Variants in FHOD1 observed in about 807,000 individuals in gnomAD.
The protein encoded by FHOD1 is formin homology 2 domain containing 1, also known as FH1/FH2 domain-containing protein 1.
A neutral mutation model predicts 111.6 loss-of-function variants in FHOD1; 89 were observed. That is an observed-to-expected ratio of 0.80 (90% CI 0.67 to 0.95). The LOEUF (loss-of-function observed/expected upper bound fraction) is 0.95, where lower values mean the gene tolerates loss of function less well. Ranked by LOEUF, FHOD1 falls within the 40% of genes least tolerant of loss-of-function variation. The pLI is 0.00. For missense variants in FHOD1, 1,446 were observed against 1,554.2 expected (o/e 0.93, Z 1.17); for synonymous variants, 618 against 639.0 (o/e 0.97, Z 0.50).
chr16:67,230,485 G>A lies in FHOD1; in HGVS notation c.2880C>T (p.Tyr960=), dbSNP rs1232294778. The change falls in exon 19 of 22, where the codon TAC becomes TAT. Residue 960 remains tyrosine, a synonymous_variant. Transcript: ENST00000258201. ...GGGCCGCCTGCGGGGTGTAGCCCAG[G>A]TAGAGCAGGAAGGCATGGAACCTAG... ...VCNRFHAFLL[Y]LGYTPQAARE... 2 of 1,614,246 alleles carry A rather than the reference G, an allele frequency of 1.2e-6. No homozygotes were observed.
In FHOD1 at chr16:67,230,759, C is replaced by T; in HGVS notation, c.2700G>A (p.Gly900=). 2 of 1,606,112 alleles carry T rather than the reference C, an allele frequency of 1.2e-6. No individual in the cohort carries two copies. The highest frequency in any genetic ancestry group is 2.2e-5 in the South Asian group (2 of 90,144). ...VDFEQLTENL[G]QLERRSRAAE... ...CTGCCCGGCTCCGGCGCTCCAGCTGCCCCAGGTTCTCAGTCAGCTGTTCAA... is the reference window on the plus strand; with the variant it reads ...CTGCCCGGCTCCGGCGCTCCAGCTGTCCCAGGTTCTCAGTCAGCTGTTCAA... The change falls in exon 18 of 22, where the codon GGG becomes GGA. Residue 900 remains glycine (G), a synonymous_variant. Coordinates refer to ENST00000258201, the MANE Select transcript of FHOD1 (RefSeq NM_013241.3).
In FHOD1 at chr16:67,231,457, C is replaced by T. The variant is rs6499118; in HGVS notation, c.2478G>A (p.Ala826=). ...GGGAGCCATTGAGGAAGTTGCCCACCGCTAGGAGGGTAGCCAGGATGCAGC... is the reference window on the plus strand; with the variant it reads ...GGGAGCCATTGAGGAAGTTGCCCACTGCTAGGAGGGTAGCCAGGATGCAGC... ...TFRCILATLL[A]VGNFLNGSQS... Residue 826 remains alanine, a synonymous_variant, in exon 16 of 22, where the codon GCG becomes GCA. Transcript: ENST00000258201. The surrounding 1 kb of genome is among the most constrained non-coding windows in gnomAD (Gnocchi z 4.3). 97 of 1,613,828 alleles carry T rather than the reference C, an allele frequency of 6.0e-5. No homozygotes were observed. The highest frequency in any genetic ancestry group is 3.2e-4 in the African/African-American group (24 of 74,782).
chr16:67,233,645 G>C lies in FHOD1; in HGVS notation c.2046+12C>G. ...CCTCCCTTGGGGCTACCTTGCAGAT[G>C]AGTGGATTTACCTTGGAGGGCAGCA... is the stretch of plus-strand genomic sequence containing the variant. On this transcript the variant is annotated intron_variant, in intron 13 of 21. Coordinates refer to ENST00000258201, the MANE Select transcript of FHOD1 (RefSeq NM_013241.3). 6.3e-7 allele frequency: 1 copy of C among 1,580,174 alleles called. No individual in the cohort carries two copies. The highest frequency in any genetic ancestry group is 8.6e-7 in the Non-Finnish European group (1 of 1,157,366).
chr16:67,241,627 G>C (rs1470455148), intron 1 of FHOD1, among the ~76,000 whole-genome samples: 1 of 152,224 alleles, frequency 6.6e-6, no homozygotes, highest in Non-Finnish European at 1.5e-5. Flanking sequence ...CTTCCTTCCA[G>C]CCCAGTGGGG....
At chr16:67,244,445 C>T (rs1298497111) in intron 1 of FHOD1, among the ~76,000 whole-genome samples, 1 of 152,076 alleles carries the variant, frequency 6.6e-6, no homozygotes, top group African/African-American at 2.4e-5. Flanking sequence ...TAGGCCCGGC[C>T]CAAGACACTG....
chr16:67,237,223 G>T lies in FHOD1; in HGVS notation c.993+16C>A, dbSNP rs761023852. The T allele has an allele frequency of 8.1e-6, 13 of 1,611,036 alleles. No homozygotes were observed. The highest frequency in any genetic ancestry group is 8.5e-6 in the Non-Finnish European group (10 of 1,178,080). ...CCCTCTTTCCAATCCGCCTCAGAGC[G>T]TAAGGCCCGGCCCACCTCGTAGAGC... On this transcript the variant is annotated intron_variant, in intron 9 of 21. Transcript: ENST00000258201. This position sits in a 1 kb window ranked among gnomAD's most constrained non-coding sequence, Gnocchi z 5.6.
At chr16:67,246,482 G>C (rs1366030585) in intron 1 of FHOD1, among the ~76,000 whole-genome samples, 1 of 152,202 alleles carries the variant, frequency 6.6e-6, no homozygotes, top group Non-Finnish European at 1.5e-5. Flanking sequence ...GTCCGCTTCG[G>C]GGCGGCAGCA....
In FHOD1 at chr16:67,229,495, T is replaced by C. The variant is rs1597312081; in HGVS notation, c.*141A>G. 2.7e-6 allele frequency: 2 copies of C among 732,514 alleles called. No individual in the cohort carries two copies. Among genetic ancestry groups the C allele is most frequent in the East Asian group, 5.1e-5 (2 of 38,970 alleles). The allele number at this position is 732,514 out of a possible 1,614,324, so 45.4% of individuals were successfully genotyped here. Reference sequence around the variant, plus strand: ...ACACATACACACACACTCACATGCATACACACACGGCTAATACTGCTCAAG... The same window carrying C: ...ACACATACACACACACTCACATGCACACACACACGGCTAATACTGCTCAAG... On this transcript the variant is annotated 3_prime_UTR_variant, in exon 22 of 22. Transcript: ENST00000258201.
At position 67,230,464 on chromosome 16, in the gene FHOD1, C is replaced by T. The variant is rs201674604; in HGVS notation, c.2901G>A (p.Ala967=). 1.7e-5 allele frequency: 28 copies of T among 1,614,234 alleles called. No individual in the cohort carries two copies. The highest frequency in any genetic ancestry group is 1.2e-4 in the Admixed American group (7 of 60,028). The change falls in exon 19 of 22, where the codon GCG becomes GCA. Residue 967 remains alanine (A), a synonymous_variant. Coordinates refer to ENST00000258201, the MANE Select transcript of FHOD1 (RefSeq NM_013241.3). ...FLLYLGYTPQ[A]AREVRIMQFC... is the part of the protein sequence containing the mutation. ...ACTGCATGATGCGCACTTCACGGGC[C>T]GCCTGCGGGGTGTAGCCCAGGTAGA...
rs1377101439 is a variant in FHOD1 at position 67,237,262 on chromosome 16, G to A, written c.970C>T (p.Arg324Cys). The A allele has an allele frequency of 7.4e-6, 12 of 1,613,848 alleles. No individual in the cohort carries two copies. In the East Asian group the frequency reaches 2.5e-4, roughly 33 times the overall value. ...ACCTCGTAGAGCACAAGCTGCGTGC[G>A]CAGGTCGACGTCAGTGCCCGCAGTG... ...LGTAGTDVDL[R>C]TQLVLYENAL... The change falls in exon 9 of 22, where the codon CGC (arginine) becomes TGC (cysteine). Residue 324 changes from arginine (R) to cysteine (C), a missense_variant. This residue lies in a region of FHOD1 where 234 missense variants were observed against 327.4 expected (regional missense o/e 0.71). Coordinates refer to ENST00000258201, the MANE Select transcript of FHOD1 (RefSeq NM_013241.3). The surrounding 1 kb of genome is among the most constrained non-coding windows in gnomAD (Gnocchi z 5.6).
Position 67,239,062 on chromosome 16 carries a change from C to T in FHOD1, c.309-95G>A, listed in dbSNP as rs571463268. The T allele has an allele frequency of 1.4e-5, 17 of 1,243,318 alleles. No individual in the cohort carries two copies. In the Admixed American group the frequency reaches 1.8e-4, roughly 13 times the overall value. The allele number at this position is 1,243,318 out of a possible 1,614,324, so 77.0% of individuals were successfully genotyped here. A position where few individuals can be genotyped will look rare whatever the true frequency, so the allele number is the denominator to read the frequency against. On this transcript the variant is annotated intron_variant, in intron 2 of 21. Transcript: ENST00000258201. ...GCCAAAGACCTCCCCATGCCAGCCC[C>T]AGCCCAGCTTGTTCCTCCCAGCTGC...
Position 67,239,378 on chromosome 16 carries a change from TC to T in FHOD1, c.277del (p.Glu93ArgfsTer18), listed in dbSNP as rs1198749932. The T allele has an allele frequency of 7.4e-6, 12 of 1,613,922 alleles. No homozygotes were observed. The highest frequency in any genetic ancestry group is 1.3e-5 in the African/African-American group (1 of 74,886). ...CTCTTCATAGAAGCCCTCCAGCATCTCCCGCTGCTCTTCCAGGGACAGCTCG... is the reference window on the plus strand; with the variant it reads ...CTCTTCATAGAAGCCCTCCAGCATCTCCGCTGCTCTTCCAGGGACAGCTCG... The part of the protein sequence containing the change: ...DTELSLEEQR[E>X]MLEGFYEEIS... On this transcript the variant is annotated frameshift_variant, in exon 2 of 22. Coordinates refer to ENST00000258201, the MANE Select transcript of FHOD1 (RefSeq NM_013241.3). LOFTEE classifies it high-confidence loss of function.
In FHOD1 at chr16:67,229,836, T is replaced by C. The variant is rs1250653405; in HGVS notation, c.3369A>G (p.Leu1123=). The change falls in exon 21 of 22, where the codon TTA becomes TTG. Residue 1123 remains leucine (L), a synonymous_variant. Coordinates refer to ENST00000258201, the MANE Select transcript of FHOD1 (RefSeq NM_013241.3). ...QSVTKSSPRA[L]AARERKRSRG... is the part of the protein sequence containing the mutation. ...GGGAACGCTTGCGTTCCCTAGCAGC[T>C]AAGGCACGAGGACTGCTCTTGGTCA... The C allele has an allele frequency of 6.2e-7, 1 of 1,614,228 alleles. No individual in the cohort carries two copies. The highest frequency in any genetic ancestry group is 8.5e-7 in the Non-Finnish European group (1 of 1,180,032).
Position 67,238,158 on chromosome 16 carries a change from G to C in FHOD1, c.548-30C>G. 5 of 1,614,132 alleles carry C rather than the reference G, an allele frequency of 3.1e-6. No individual in the cohort carries two copies. The highest frequency in any genetic ancestry group is 1.7e-5 in the Admixed American group (1 of 60,028). On this transcript the variant is annotated intron_variant, in intron 5 of 21. Transcript: ENST00000258201. The surrounding 1 kb of genome is among the most constrained non-coding windows in gnomAD (Gnocchi z 4.2). ...GGAAACAGGGATGGGCAGAGTCAGC[G>C]AGGGTCGCTGGAGCAGAGGTCATGG...
chr16:67,245,772 T>A (rs978318643), intron 1 of FHOD1, among the ~76,000 whole-genome samples: 3 of 150,416 alleles, frequency 2.0e-5, no homozygotes, highest in Non-Finnish European at 4.4e-5. Context: ...GGGGGTGGTG[T>A]CAGGGCTAGG....
At position 67,233,879 on chromosome 16, in the gene FHOD1, G is replaced by A. The variant is rs1334920519; in HGVS notation, c.1824C>T (p.Ala608=). Residue 608 remains alanine (A), a synonymous_variant, in exon 13 of 22, where the codon GCC becomes GCT. Transcript: ENST00000258201. ...TGTCAGGCACTGAATGGGGAAGAGG[G>A]GCAGCCAGAGGTAGAGGTGGAGGTG... The part of the protein sequence containing the change: ...FPPPPPLPLA[A]PLPHSVPDSS... 6.3e-7 allele frequency: 1 copy of A among 1,598,126 alleles called. No individual in the cohort carries two copies. Among genetic ancestry groups the A allele is most frequent in the East Asian group, 2.3e-5 (1 of 43,826 alleles).
rs2034288559 is a variant in FHOD1, at chr16:67,231,838, C to A, written c.2203-19G>T. The A allele has an allele frequency of 6.2e-7, 1 of 1,609,332 alleles. No individual in the cohort carries two copies. Among genetic ancestry groups the A allele is most frequent in the Non-Finnish European group, 8.5e-7 (1 of 1,177,334 alleles). ...GTAGCTTCTGAGGATGTAGCCAGAG[C>A]CTGACATGGCCCCCTCAATGCAGGC... is the stretch of plus-strand genomic sequence containing the variant. On this transcript the variant is annotated intron_variant, in intron 14 of 21. Transcript: ENST00000258201. This position sits in a 1 kb window ranked among gnomAD's most constrained non-coding sequence, Gnocchi z 4.3.
At position 67,238,825 on chromosome 16, in the gene FHOD1, T is replaced by A; in HGVS notation, c.373+78A>T. On this transcript the variant is annotated intron_variant, in intron 3 of 21. Coordinates refer to ENST00000258201, the MANE Select transcript of FHOD1 (RefSeq NM_013241.3). This position sits in a 1 kb window ranked among gnomAD's most constrained non-coding sequence, Gnocchi z 4.2. Reference sequence around the variant, plus strand: ...CAGCTAAACCTACTTTGCTCACTGTTCAGCACAGGCCTGAAGGTGAGCCAA... The same window carrying A: ...CAGCTAAACCTACTTTGCTCACTGTACAGCACAGGCCTGAAGGTGAGCCAA... 1 of 1,420,658 alleles carries A rather than the reference T, an allele frequency of 7.0e-7. No individual in the cohort carries two copies. Among genetic ancestry groups the A allele is most frequent in the Middle Eastern group, 1.7e-4 (1 of 5,728 alleles). The allele number at this position is 1,420,658 out of a possible 1,614,324, so 88.0% of individuals were successfully genotyped here.
In FHOD1 at chr16:67,231,199, G is replaced by C; in HGVS notation, c.2656C>G (p.Arg886Gly). ...TGGCAGGTGCTAACCTTGGCACAGC[G>C]GGTCAGGGCAGGGATTTCTGAATAG... ...DLYSEIPALTRCAKVDFEQLT... is the reference protein window; with the variant it reads ...DLYSEIPALTGCAKVDFEQLT... Residue 886 changes from arginine (R) to glycine (G), a missense_variant, in exon 17 of 22, where the codon CGC (arginine) becomes GGC (glycine). Around this residue, in one of 3 missense-constraint regions of FHOD1, gnomAD observed 1,085 missense variants for 1,108.8 expected, o/e 0.98. Coordinates refer to ENST00000258201, the MANE Select transcript of FHOD1 (RefSeq NM_013241.3). The surrounding 1 kb of genome is among the most constrained non-coding windows in gnomAD (Gnocchi z 4.3). The C allele has an allele frequency of 6.2e-7, 1 of 1,614,122 alleles. No individual in the cohort carries two copies. Among genetic ancestry groups the C allele is most frequent in the Non-Finnish European group, 8.5e-7 (1 of 1,179,998 alleles).
Sources: gnomAD v4.1 joint callset for allele counts (sites outside exome capture counted in the v4.1 genomes callset) on GRCh38, gnomAD v4.1.1 for gene constraint, gnomAD v4.1.1 regional missense constraint, Gnocchi (gnomAD v3.1) non-coding constraint, MANE v1.5 for transcripts, NCBI Gene and HGNC (gene_info 2026-07-23, HGNC 2026-07-21) for gene names.